The following PRKAR1A variants were observed in gnomAD, a reference collection of about 807,000 sequenced individuals.
PRKAR1A encodes the protein cAMP-dependent protein kinase type I-alpha regulatory subunit.
A neutral mutation model predicts 52.0 loss-of-function variants in PRKAR1A; 3 were observed. The observed-to-expected ratio is 0.06, with a 90% CI of 0.03 to 0.15. PRKAR1A has a LOEUF of 0.15. Ranked by LOEUF, PRKAR1A falls within the 10% of genes least tolerant of loss-of-function variation. The pLI, the probability that PRKAR1A is intolerant of heterozygous loss-of-function variation, is 1.00. For missense variants in PRKAR1A, 240 were observed against 477.4 expected, an observed-to-expected ratio of 0.50 and a Z score of 4.63; for synonymous variants, 188 against 168.4, an observed-to-expected ratio of 1.12 and a Z score of -0.90.
intron 11 of PRKAR1A, chr17:68,541,884 G>T: frequency 7.2e-7 from 1 of 1,385,374 alleles, no homozygotes; most frequent in Non-Finnish European, 9.9e-7. Flanking sequence ...GAGTATTGAG[G>T]CAGCTTTTCA....
chr17:68,465,625 A>ATTTTTTTTTTTTTT, the PRKAR1A span, among the ~76,000 whole-genome samples: 1,168 of 67,150 alleles, frequency 0.017, 137 homozygotes, highest in Non-Finnish European at 0.022. Flanking sequence ...ACGCCCAGCA[A>ATTTTTTTTTTTTTT]TTTTTTTTTT....
the PRKAR1A span, among the ~76,000 whole-genome samples, chr17:68,433,028 G>C: frequency 1.2e-4 from 18 of 152,156 alleles, no homozygotes; most frequent in Non-Finnish European, 1.5e-5. Flanking sequence ...CTTCCCAAGC[G>C]CTCAGTGGTG....
the PRKAR1A span, among the ~76,000 whole-genome samples, chr17:68,436,694 C>T: frequency 6.6e-6 from 1 of 152,182 alleles, no homozygotes; most frequent in Non-Finnish European, 1.5e-5. Context: ...ACACTGGCTG[C>T]GTCCTTGCTA....
In PRKAR1A at chr17:68,530,929, T is replaced by TTAGTA; in HGVS notation, c.*486_*490dup. On this transcript the variant is annotated 3_prime_UTR_variant, in exon 11 of 11. Coordinates refer to ENST00000589228, the MANE Select transcript of PRKAR1A (RefSeq NM_002734.5). Reference sequence around the variant, plus strand: ...TTAGGGAAAATGGATATAGAAAATCTTAGTATAGTAGAAAGACATCTGCCT... The same window carrying TTAGTA: ...TTAGGGAAAATGGATATAGAAAATCTTAGTATAGTATAGTAGAAAGACATCTGCCT... 1 of 1,110,658 alleles carries TTAGTA rather than the reference T, an allele frequency of 9.0e-7. No individual in the cohort carries two copies. 68.8% of individuals were successfully genotyped at this position (1,110,658 alleles called of 1,614,324 possible). A position where few individuals can be genotyped will look rare whatever the true frequency, so the allele number is the denominator to read the frequency against.
chr17:68,449,490 C>T, the PRKAR1A span, among the ~76,000 whole-genome samples: 1 of 152,206 alleles, frequency 6.6e-6, no homozygotes, highest in African/African-American at 2.4e-5. Context: ...CCCCAAATCT[C>T]ATGTCGAATT....
intron 11 of PRKAR1A, chr17:68,542,753 T>C (rs2143510159): frequency 6.2e-7 from 1 of 1,614,196 alleles, no homozygotes; most frequent in Non-Finnish European, 8.5e-7. Context: ...TAGGATTTCC[T>C]TGGTGACATT....
the PRKAR1A span, among the ~76,000 whole-genome samples, chr17:68,497,163 G>T: frequency 6.6e-6 from 1 of 152,254 alleles, no homozygotes; most frequent in East Asian, 1.9e-4. Flanking sequence ...AATGGAGAAT[G>T]ATATTTTGTG....
downstream of PRKAR1A, chr17:68,537,162 A>G: frequency 1.8e-6 from 1 of 540,930 alleles, no homozygotes; most frequent in Non-Finnish European, 3.5e-6. This position sits in a 1 kb window ranked among gnomAD's most constrained non-coding sequence, Gnocchi z 4.2. Context: ...TACCATTAGT[A>G]CTCTCCTGGG....
chr17:68,421,979 C>A, the PRKAR1A span: 1 of 789,290 alleles, frequency 1.3e-6, no homozygotes, highest in Admixed American at 2.0e-5. Flanking sequence ...GAATGGTCAC[C>A]CAGCTTATTT....
At chr17:68,467,865 G>A in the PRKAR1A span, among the ~76,000 whole-genome samples, 81 of 152,078 alleles carry the variant, frequency 5.3e-4, no homozygotes, top group Non-Finnish European at 1.1e-3. Flanking sequence ...ATTATGCAGG[G>A]GTTGTTGTTG....
chr17:68,459,717 A>T, the PRKAR1A span, among the ~76,000 whole-genome samples: 3 of 152,260 alleles, frequency 2.0e-5, no homozygotes, highest in Non-Finnish European at 4.4e-5. Context: ...GTTTTCTAGA[A>T]GATACATTTA....
chr17:68,450,983 G>A, the PRKAR1A span: 19 of 1,503,518 alleles, frequency 1.3e-5, no homozygotes, highest in East Asian at 4.3e-4. Context: ...CCCGGCGCAG[G>A]CCAGGTTCCA....
intron 11 of PRKAR1A, among the ~76,000 whole-genome samples, chr17:68,547,924 T>A (rs935937282): frequency 6.6e-6 from 1 of 152,248 alleles, no homozygotes; most frequent in African/African-American, 2.4e-5. Context: ...GCCTCCTGAA[T>A]AATTTCTCGC....
chr17:68,523,001 T>C, intron 3 of PRKAR1A, 75 bp downstream of exon 3: 2 of 1,553,464 alleles, frequency 1.3e-6, no homozygotes, highest in Non-Finnish European at 1.8e-6. Flanking sequence ...CTTTGATGAA[T>C]GAATCATAAA....
the PRKAR1A span, among the ~76,000 whole-genome samples, chr17:68,484,232 A>G: frequency 2.0e-4 from 31 of 152,304 alleles, no homozygotes; most frequent in South Asian, 4.1e-3. Context: ...AAATCTATCC[A>G]TTTATTTAGG....
At chr17:68,524,235 A>AT (rs1208470766) in intron 5 of PRKAR1A, 158 bp downstream of exon 5, 10 of 678,120 alleles carry the variant, frequency 1.5e-5, no homozygotes, top group Non-Finnish European at 2.5e-5. Context: ...TTAAATTAAG[A>AT]TTTTCTGAGA....
chr17:68,447,766 G>A, the PRKAR1A span, among the ~76,000 whole-genome samples: 2 of 152,198 alleles, frequency 1.3e-5, no homozygotes, highest in East Asian at 3.9e-4. Flanking sequence ...GCCGAGGTGG[G>A]TGGATCACGA....
chr17:68,434,645 G>A, the PRKAR1A span: 2 of 1,613,358 alleles, frequency 1.2e-6, no homozygotes, highest in Non-Finnish European at 8.5e-7. Context: ...GAAAGCAGGT[G>A]GACATTTCAT....
At chr17:68,437,012 A>ATGTGTGTGTG in the PRKAR1A span, among the ~76,000 whole-genome samples, 339 of 82,060 alleles carry the variant, frequency 4.1e-3, 3 homozygotes, top group African/African-American at 0.015. Context: ...AAAAATATAT[A>ATGTGTGTGTG]TATATGTGTG....
Sources: allele counts gnomAD v4.1 joint callset (sites outside exome capture counted in the v4.1 genomes callset), GRCh38; gene constraint gnomAD v4.1.1; non-coding constraint Gnocchi (gnomAD v3.1); transcripts MANE v1.5; gene names NCBI Gene and HGNC (gene_info 2026-07-23, HGNC 2026-07-21).